RPAP2: variants seen among roughly 807,000 people sequenced by gnomAD.
RPAP2 encodes the protein putative RNA polymerase II subunit B1 CTD phosphatase RPAP2.
Under a neutral mutation model 73.1 loss-of-function variants are expected in RPAP2, and 52 were observed. The ratio of observed to expected loss-of-function variants is 0.71; its 90% CI spans 0.57 to 0.90. The LOEUF (loss-of-function observed/expected upper bound fraction) is 0.90, where lower values mean the gene tolerates loss of function less well. Among genes scored for constraint, RPAP2 ranks in the 40% least tolerant of loss-of-function variants. RPAP2 has a pLI of 0.00. For synonymous variants in RPAP2, 225 were observed against 242.1 expected (o/e 0.93, Z 0.65); for missense variants, 598 against 701.8 (o/e 0.85, Z 1.67).
Position 92,387,197 on chromosome 1 carries a change from T to G in RPAP2, c.*186T>G. 2.3e-6 allele frequency: 1 copy of G among 435,206 alleles called. No homozygotes were observed. Among genetic ancestry groups the G allele is most frequent in the Non-Finnish European group, 4.1e-6 (1 of 243,512 alleles). The allele number at this position is 435,206 out of a possible 1,614,324, so 27.0% of individuals were successfully genotyped here. A position where few individuals can be genotyped will look rare whatever the true frequency, so the allele number is the denominator to read the frequency against. ...AACTGCAGAGGATGACCTCCCCAGA[T>G]AGAGGAGAATCATTACTCCAACAAG... On this transcript the variant is annotated 3_prime_UTR_variant, in exon 13 of 13. Transcript: ENST00000610020.
intron 10 of RPAP2, among the ~76,000 whole-genome samples, chr1:92,340,649 C>G (rs1653542927): frequency 6.6e-6 from 1 of 151,320 alleles, no homozygotes; most frequent in Admixed American, 6.6e-5. Context: ...TTTCTAAAAG[C>G]CCCCCTTAGA....
At chr1:92,316,366 C>T (rs1464157682) in intron 6 of RPAP2, among the ~76,000 whole-genome samples, 5 of 152,146 alleles carry the variant, frequency 3.3e-5, no homozygotes, top group African/African-American at 1.2e-4. Context: ...CAGGGTTTGA[C>T]ATGTCTCAAA....
At chr1:92,309,034 TA>T (rs1651413904) in intron 6 of RPAP2, among the ~76,000 whole-genome samples, 1 of 152,198 alleles carries the variant, frequency 6.6e-6, no homozygotes, top group Non-Finnish European at 1.5e-5. Flanking sequence ...CACCATCCTC[TA>T]TTCAGAATGC....
intron 8 of RPAP2, among the ~76,000 whole-genome samples, chr1:92,333,028 ACTC>A (rs1470786342): frequency 1.3e-5 from 2 of 151,744 alleles, no homozygotes; most frequent in Non-Finnish European, 2.9e-5. Flanking sequence ...TAATGACTGA[ACTC>A]CTCATAATAT....
Position 92,333,491 on chromosome 1 carries a change from A to G in RPAP2, c.1538+18A>G. The G allele has an allele frequency of 6.4e-7, 1 of 1,554,104 alleles. No homozygotes were observed. Among genetic ancestry groups the G allele is most frequent in the Non-Finnish European group, 8.9e-7 (1 of 1,125,700 alleles). On this transcript the variant is annotated intron_variant, in intron 9 of 12. Coordinates refer to ENST00000610020, the MANE Select transcript of RPAP2 (RefSeq NM_024813.3). ...AGTAAAGTGTAAGTATGTAATTGCC[A>G]TTCCAGCTTTGTAGTAGTTTTAAAT...
At chr1:92,364,440 T>A (rs988185618) in intron 11 of RPAP2, among the ~76,000 whole-genome samples, 5 of 152,168 alleles carry the variant, frequency 3.3e-5, no homozygotes, top group African/African-American at 1.2e-4. Context: ...AATTCTTGTG[T>A]TTCTCCCCCC....
chr1:92,348,140 C>G (rs575692825), intron 11 of RPAP2, among the ~76,000 whole-genome samples: 1 of 152,140 alleles, frequency 6.6e-6, no homozygotes, highest in African/African-American at 2.4e-5. Flanking sequence ...CCACCCGCCT[C>G]GGCCTCCCAA....
chr1:92,364,947 G>T (rs910950694), intron 11 of RPAP2, among the ~76,000 whole-genome samples: 1 of 152,162 alleles, frequency 6.6e-6, no homozygotes, highest in African/African-American at 2.4e-5. Context: ...AGGCCCTTCA[G>T]AAGTGGCCCC....
chr1:92,360,004 T>G (rs56373822), intron 11 of RPAP2, among the ~76,000 whole-genome samples: 130,979 of 151,798 alleles, frequency 0.86, 56,934 homozygotes, highest in East Asian at 1. Flanking sequence ...GTCTGGTAAT[T>G]TGGTAGTGTT....
At chr1:92,346,917 T>C (rs866229453) in intron 11 of RPAP2, among the ~76,000 whole-genome samples, 9 of 152,198 alleles carry the variant, frequency 5.9e-5, no homozygotes, top group African/African-American at 1.9e-4. Flanking sequence ...CCATAGGACA[T>C]TGAAAACTTA....
intron 5 of RPAP2, among the ~76,000 whole-genome samples, chr1:92,306,088 C>A (rs578054798): frequency 2.6e-5 from 4 of 152,068 alleles, no homozygotes; most frequent in Non-Finnish European, 5.9e-5. Context: ...GGTGGATGAA[C>A]CTTGAAGATA....
Position 92,380,872 on chromosome 1 carries a change from T to TG in RPAP2, c.1838+1dup. ...ATTTAGAACCAGCTGTTTACCAGAGTGGTAAGTTGGATTGTGTTTTATTTT... is the reference window on the plus strand; with the variant it reads ...ATTTAGAACCAGCTGTTTACCAGAGTGGGTAAGTTGGATTGTGTTTTATTTT... On this transcript the variant is annotated frameshift_variant and stop_lost and splice_region_variant, in exon 12 of 13. Coordinates refer to ENST00000610020, the MANE Select transcript of RPAP2 (RefSeq NM_024813.3). LOFTEE classifies it high-confidence loss of function. The TG allele has an allele frequency of 3.2e-6, 5 of 1,559,700 alleles. No homozygotes were observed. Among genetic ancestry groups the TG allele is most frequent in the Non-Finnish European group, 4.3e-6 (5 of 1,160,648 alleles).
chr1:92,392,502 C>T lies in RPAP2; in HGVS notation c.*5491C>T, dbSNP rs1656080387. On this transcript the variant is annotated 3_prime_UTR_variant, in exon 13 of 13. Transcript: ENST00000610020. Reference sequence around the variant, plus strand: ...GGCAAGGATGCCCTCTCTCACCACTCCTATTCAACATAGTATTGGAAGTTC... The same window carrying T: ...GGCAAGGATGCCCTCTCTCACCACTTCTATTCAACATAGTATTGGAAGTTC... The T allele has an allele frequency of 1.3e-5, 2 of 152,178 alleles. No individual in the cohort carries two copies. Among genetic ancestry groups the T allele is most frequent in the South Asian group, 4.1e-4 (2 of 4,832 alleles). 9.4% of individuals were successfully genotyped at this position (152,178 alleles called of 1,614,324 possible).
rs146190948 is a variant in RPAP2 at position 92,312,821 on chromosome 1, T to C, written c.488+5545T>C. 1.4e-4 allele frequency among the ~76,000 whole-genome samples: 22 copies of C among 152,176 alleles called. 2 individuals are homozygous for C. In the East Asian group the frequency reaches 4.3e-3, roughly 29 times the overall value. On this transcript the variant is annotated intron_variant, in intron 6 of 12. Coordinates refer to ENST00000610020, the MANE Select transcript of RPAP2 (RefSeq NM_024813.3). The stretch of plus-strand genomic sequence containing the variant: ...GAATCCCAAATGTTCTTTTTTTTTT[T>C]TTCCTTTTTTCTTTTTTTCAGACAG...
At position 92,395,848 on chromosome 1, in the gene RPAP2, G is replaced by A. The variant is rs1656171887; in HGVS notation, c.*8837G>A. 1.3e-5 allele frequency: 2 copies of A among 152,116 alleles called. No individual in the cohort carries two copies. The highest frequency in any genetic ancestry group is 1.3e-4 in the Admixed American group (2 of 15,256). The allele number at this position is 152,116 out of a possible 1,614,324, so 9.4% of individuals were successfully genotyped here. The stretch of plus-strand genomic sequence containing the variant: ...CAAATTGCTTAGCATATGAAGAGAT[G>A]TGTACTATCACTAGTCATTAGGAAA... On this transcript the variant is annotated 3_prime_UTR_variant, in exon 13 of 13. Transcript: ENST00000610020.
At chr1:92,302,555 T>G (rs1029789475) in intron 3 of RPAP2, among the ~76,000 whole-genome samples, 1 of 145,626 alleles carries the variant, frequency 6.9e-6, no homozygotes, top group African/African-American at 2.5e-5. Flanking sequence ...CATTTATGAC[T>G]CAACATAAAA....
Position 92,324,043 on chromosome 1 carries a change from A to G in RPAP2, c.1123A>G (p.Ile375Val), listed in dbSNP as rs919675667. ...NLLKVLKETLIEWKTEETLRF... is the reference protein window; with the variant it reads ...NLLKVLKETLVEWKTEETLRF... ...ACTTAAAGTTTTGAAGGAGACTTTG[A>G]TTGAGTGGAAGACAGAAGAAACATT... is the stretch of plus-strand genomic sequence containing the variant. The change falls in exon 8 of 13, where the codon ATT (isoleucine) becomes GTT (valine). Residue 375 changes from isoleucine (I) to valine (V), a missense_variant. This residue lies in a region of RPAP2 where 506 missense variants were observed against 612.8 expected (regional missense o/e 0.83). Coordinates refer to ENST00000610020, the MANE Select transcript of RPAP2 (RefSeq NM_024813.3). 1.9e-6 allele frequency: 3 copies of G among 1,613,810 alleles called. No individual in the cohort carries two copies. Among genetic ancestry groups the G allele is most frequent in the African/African-American group, 1.3e-5 (1 of 74,886 alleles).
At chr1:92,370,032 G>A (rs1444323625) in intron 11 of RPAP2, among the ~76,000 whole-genome samples, 2 of 152,104 alleles carry the variant, frequency 1.3e-5, no homozygotes, top group Non-Finnish European at 1.5e-5. Flanking sequence ...CTACAGGCAT[G>A]TGCCACCATG....
At chr1:92,356,092 T>G (rs1654448047) in intron 11 of RPAP2, among the ~76,000 whole-genome samples, 1 of 152,170 alleles carries the variant, frequency 6.6e-6, no homozygotes, top group Non-Finnish European at 1.5e-5. Context: ...TCACTCCAAC[T>G]GTGGGCCTTT....
Sources: allele counts gnomAD v4.1 joint callset (sites outside exome capture counted in the v4.1 genomes callset), GRCh38; gene constraint gnomAD v4.1.1; regional missense constraint gnomAD v4.1.1; transcripts MANE v1.5; gene names NCBI Gene and HGNC (gene_info 2026-07-23, HGNC 2026-07-21).